The following NRXN1 variants were observed in gnomAD, a reference collection of about 807,000 sequenced individuals.
The protein encoded by NRXN1 is neurexin-1.
A neutral mutation model predicts 150.9 loss-of-function variants in NRXN1; 39 were observed. That is an observed-to-expected ratio of 0.26 (90% confidence interval 0.20 to 0.34). The LOEUF is 0.34. Among genes scored for constraint, NRXN1 ranks in the 10% least tolerant of loss-of-function variants. The pLI, the probability that NRXN1 is intolerant of heterozygous loss-of-function variation, is 1.00. For missense variants in NRXN1, 1,815 were observed against 1,949.9 expected (o/e 0.93, Z 1.30); for synonymous variants, 924 against 757.0 (o/e 1.22, Z -3.62).
Position 50,683,646 on chromosome 2 carries a change from A to AAAAAAAAAAAATAT in NRXN1, c.833-60032_833-60031insATATTTTTTTTTTT. Among the ~76,000 whole-genome samples, 16 of 14,908 alleles carry AAAAAAAAAAAATAT rather than the reference A, an allele frequency of 1.1e-3. 2 individuals carry two copies. The highest frequency in any genetic ancestry group is 5.4e-3 in the African/African-American group (15 of 2,782). The allele number at this position is 14,908 out of a possible 152,430, so 9.8% of individuals were successfully genotyped here. On this transcript the variant is annotated intron_variant, in intron 5 of 22. Transcript: ENST00000401669. ...GACTCCGTCTCAAAAAAAAAAAAAAAATATATATATATATATATATGTTAT... is the reference window on the plus strand; with the variant it reads ...GACTCCGTCTCAAAAAAAAAAAAAAAAAAAAAAAAAATATATATATATATATATATATATGTTAT...
At chr2:50,470,033 G>C (rs1370430864) in intron 16 of NRXN1, among the ~76,000 whole-genome samples, 1 of 151,488 alleles carries the variant, frequency 6.6e-6, no homozygotes, top group Non-Finnish European at 1.5e-5. Flanking sequence ...TGGGGGTCCT[G>C]TGTGTTTGCC....
intron 13 of NRXN1, among the ~76,000 whole-genome samples, chr2:50,500,562 A>C (rs953119680): frequency 6.6e-6 from 1 of 152,198 alleles, no homozygotes; most frequent in African/African-American, 2.4e-5. Flanking sequence ...AATAAGAAAA[A>C]ATTATAAGAC....
At chr2:50,131,378 T>G (rs529748300) in intron 18 of NRXN1, among the ~76,000 whole-genome samples, 2 of 152,314 alleles carry the variant, frequency 1.3e-5, no homozygotes, top group Admixed American at 6.5e-5. Context: ...AGAGTTTTCT[T>G]TGGTCAGTTT....
intron 18 of NRXN1, among the ~76,000 whole-genome samples, chr2:50,155,824 T>C (rs2058984137): frequency 6.6e-6 from 1 of 151,572 alleles, no homozygotes; most frequent in African/African-American, 2.4e-5. Context: ...TGGCCAAAGT[T>C]TTCACAGTAG....
At chr2:50,266,134 G>A (rs1019254094) in intron 17 of NRXN1, among the ~76,000 whole-genome samples, 1 of 150,096 alleles carries the variant, frequency 6.7e-6, no homozygotes, top group Non-Finnish European at 1.5e-5. Flanking sequence ...GAGTAGCTGG[G>A]ATTACAGGCA....
intron 18 of NRXN1, among the ~76,000 whole-genome samples, chr2:50,229,905 T>C (rs1032828310): frequency 6.6e-6 from 1 of 152,102 alleles, no homozygotes; most frequent in Non-Finnish European, 1.5e-5. Flanking sequence ...TTTTGACAGC[T>C]TGGCATAAGA....
At position 50,064,133 on chromosome 2, in the gene NRXN1, A is replaced by T. The variant is rs570877271; in HGVS notation, c.3719-9089T>A. On this transcript the variant is annotated intron_variant, in intron 19 of 22. Coordinates refer to ENST00000401669, the MANE Select transcript of NRXN1 (RefSeq NM_001330078.2). ...CTTCTTGACCATTTAGTGTCCACTA[A>T]TTACATATGTGTGCATGTCTATTTA... 2.6e-5 allele frequency among the ~76,000 whole-genome samples: 4 copies of T among 152,192 alleles called. No homozygotes were observed. The South Asian group carries it at 8.3e-4, about 32-fold the overall frequency.
intron 17 of NRXN1, among the ~76,000 whole-genome samples, chr2:50,440,625 G>A (rs1392226236): frequency 2.0e-5 from 3 of 152,084 alleles, no homozygotes; most frequent in African/African-American, 7.2e-5. Context: ...CATTGAAGTA[G>A]TAATGTTTGA....
intron 5 of NRXN1, among the ~76,000 whole-genome samples, chr2:50,841,457 A>G (rs1672861056): frequency 6.6e-6 from 1 of 152,210 alleles, no homozygotes; most frequent in Non-Finnish European, 1.5e-5. Flanking sequence ...CCAGACAAGC[A>G]AAGGCCACTA....
chr2:50,251,846 G>C (rs1375954283), intron 17 of NRXN1, among the ~76,000 whole-genome samples: 1 of 152,110 alleles, frequency 6.6e-6, no homozygotes, highest in Non-Finnish European at 1.5e-5. Flanking sequence ...ACAAATGTCT[G>C]TTAATGCCCT....
chr2:50,907,485 C>A (rs1377345840), intron 5 of NRXN1, among the ~76,000 whole-genome samples: 1 of 152,002 alleles, frequency 6.6e-6, no homozygotes, highest in Non-Finnish European at 1.5e-5. Context: ...TGCCCTTATT[C>A]TTTTTGCCCT....
chr2:50,244,548 A>G (rs773885493), intron 17 of NRXN1, among the ~76,000 whole-genome samples: 5 of 151,916 alleles, frequency 3.3e-5, no homozygotes, highest in African/African-American at 7.2e-5. Flanking sequence ...TGATTTGCTG[A>G]TAAGTGCCAA....
intron 5 of NRXN1, among the ~76,000 whole-genome samples, chr2:50,639,748 CTGT>C (rs1204917159): frequency 6.6e-6 from 1 of 152,026 alleles, no homozygotes; most frequent in Non-Finnish European, 1.5e-5. Context: ...TATCATTTTT[CTGT>C]TACAATATCA....
intron 8 of NRXN1, among the ~76,000 whole-genome samples, chr2:50,613,361 T>C (rs1034214408): frequency 2.0e-5 from 3 of 152,180 alleles, no homozygotes; most frequent in Non-Finnish European, 4.4e-5. Flanking sequence ...GTCAGAGCAC[T>C]TAGCTCAAAT....
intron 21 of NRXN1, among the ~76,000 whole-genome samples, chr2:49,990,993 A>C (rs1378931877): frequency 2.0e-5 from 3 of 152,206 alleles, no homozygotes; most frequent in Non-Finnish European, 4.4e-5. Context: ...ACTCCTAAGA[A>C]AATGTTTCCT....
chr2:50,198,648 A>G (rs2061930384), intron 18 of NRXN1, among the ~76,000 whole-genome samples: 1 of 152,086 alleles, frequency 6.6e-6, no homozygotes, highest in Non-Finnish European at 1.5e-5. Flanking sequence ...CGATGTGACA[A>G]CCGAAGACAC....
At chr2:50,766,309 T>C (rs546719153) in intron 5 of NRXN1, among the ~76,000 whole-genome samples, 1 of 152,102 alleles carries the variant, frequency 6.6e-6, no homozygotes, top group African/African-American at 2.4e-5. Flanking sequence ...GTGGAAAAAC[T>C]GATAACATGA....
At chr2:50,621,110 C>T (rs538351622) in intron 7 of NRXN1, 116 bp downstream of exon 7, 10 of 828,004 alleles carry the variant, frequency 1.2e-5, no homozygotes, top group East Asian at 5.7e-5. Context: ...GAGTACCAAC[C>T]GCAGTTCCTC....
chr2:50,501,959 C>A (rs1231458360), intron 13 of NRXN1, among the ~76,000 whole-genome samples: 1 of 152,162 alleles, frequency 6.6e-6, no homozygotes, highest in East Asian at 1.9e-4. Context: ...ACCTTCCTTG[C>A]AGAAATTCTT....
Sources: gnomAD v4.1 joint callset for allele counts (sites outside exome capture counted in the v4.1 genomes callset) on GRCh38, gnomAD v4.1.1 for gene constraint, MANE v1.5 for transcripts, NCBI Gene and HGNC (gene_info 2026-07-23, HGNC 2026-07-21) for gene names.